NOX5: variants seen among roughly 807,000 people sequenced by gnomAD.
The protein encoded by NOX5 is NADPH oxidase 5, also known as NADPH oxidase, EF-hand calcium binding domain 5.
NOX5 carries 76 observed loss-of-function variants against 85.7 expected under a neutral mutation model. That is an observed-to-expected ratio of 0.89 (90% CI 0.74 to 1.07). The LOEUF (loss-of-function observed/expected upper bound fraction) is 1.07. Among genes scored for constraint, NOX5 ranks in the 50% least tolerant of loss-of-function variants. The probability of loss-of-function intolerance (pLI) is 0.00; values close to 1 mark genes in which losing one functional copy is unlikely to be tolerated. For synonymous variants in NOX5, 405 were observed against 401.4 expected, an observed-to-expected ratio of 1.01 and a Z score of -0.11; for missense variants, 973 against 999.5, an observed-to-expected ratio of 0.97 and a Z score of 0.36.
intron 13 of NOX5, 122 bp from the exon 14 acceptor site, chr15:69,048,837 A>G (rs2140278021): frequency 1.6e-6 from 1 of 618,002 alleles, no homozygotes; most frequent in East Asian, 2.9e-5. Context: ...CCTCCCTTAA[A>G]TGGGTATCTG....
Position 69,061,146 on chromosome 15 carries a change from G to C in NOX5, c.*4450G>C, listed in dbSNP as rs763070211. On this transcript the variant is annotated 3_prime_UTR_variant, in exon 16 of 16. Coordinates refer to ENST00000388866, the MANE Select transcript of NOX5 (RefSeq NM_024505.4). Reference sequence around the variant, plus strand: ...TATGGCTTGTATCTATTTTTTAAGAGTAAAACAAAATGCAGAGATTATCTG... The same window carrying C: ...TATGGCTTGTATCTATTTTTTAAGACTAAAACAAAATGCAGAGATTATCTG... The C allele has an allele frequency of 2.6e-5, 4 of 152,202 alleles. No individual in the cohort carries two copies. The highest frequency in any genetic ancestry group is 4.4e-5 in the Non-Finnish European group (3 of 68,036). 9.4% of individuals were successfully genotyped at this position (152,202 alleles called of 1,614,324 possible). A position where few individuals can be genotyped will look rare whatever the true frequency, so the allele number is the denominator to read the frequency against.
rs1356227585 is a variant in NOX5 at position 69,062,105 on chromosome 15, T to A, written c.*5409T>A. 1 of 152,146 alleles carries A rather than the reference T, an allele frequency of 6.6e-6. No homozygotes were observed. 9.4% of individuals were successfully genotyped at this position (152,146 alleles called of 1,614,324 possible). A position where few individuals can be genotyped will look rare whatever the true frequency, so the allele number is the denominator to read the frequency against. On this transcript the variant is annotated 3_prime_UTR_variant, in exon 16 of 16. Transcript: ENST00000388866. ...AGCTGGTGACCCCATGAGGTACCCT[T>A]GGCTCCTCTATCTCCCCCATCTTCC...
chr15:69,044,684 G>A (rs12908110), intron 10 of NOX5, among the ~76,000 whole-genome samples: 1,738 of 152,306 alleles, frequency 0.011, 16 homozygotes, highest in Non-Finnish European at 0.018. Context: ...TTATGTAAAA[G>A]TGTTGTGTAT....
In NOX5 at chr15:69,028,335, A is replaced by G; in HGVS notation, c.295A>G (p.Lys99Glu). 1.2e-6 allele frequency: 2 copies of G among 1,610,890 alleles called. No homozygotes were observed. Among genetic ancestry groups the G allele is most frequent in the African/African-American group, 2.7e-5 (2 of 74,922 alleles). The change falls in exon 3 of 16, where the codon AAA (lysine) becomes GAA (glutamate). Residue 99 changes from lysine (K) to glutamate (E), a missense_variant. Physicochemically the swap from Lys to Glu is moderately conservative, Grantham distance 56. Coordinates refer to ENST00000388866, the MANE Select transcript of NOX5 (RefSeq NM_024505.4). Reference sequence around the variant, plus strand: ...CCATGGCAGCCCCATGGACAAACTCAAATTCCTCTTCCAGGTGTATGACAT... The same window carrying G: ...CCATGGCAGCCCCATGGACAAACTCGAATTCCTCTTCCAGGTGTATGACAT... ...LIHGSPMDKL[K>E]FLFQVYDIDV...
chr15:69,058,856 A>G lies in NOX5; in HGVS notation c.*2160A>G, dbSNP rs2050844379. On this transcript the variant is annotated 3_prime_UTR_variant, in exon 16 of 16. Transcript: ENST00000388866. ...GCTCTCTGGGGCACAGAAGGAAACT[A>G]AAGAGGGTGTTCTGACTTAAGGTTG... The G allele has an allele frequency of 6.6e-6, 1 of 152,272 alleles. No homozygotes were observed. The highest frequency in any genetic ancestry group is 6.5e-5 in the Admixed American group (1 of 15,278). The allele number at this position is 152,272 out of a possible 1,614,324, so 9.4% of individuals were successfully genotyped here. A position where few individuals can be genotyped will look rare whatever the true frequency, so the allele number is the denominator to read the frequency against.
At chr15:69,027,572 C>T (rs2050374445) in intron 2 of NOX5, among the ~76,000 whole-genome samples, 1 of 152,162 alleles carries the variant, frequency 6.6e-6, no homozygotes, top group South Asian at 2.1e-4. Flanking sequence ...CAGGACACAG[C>T]ATCTTTGGGA....
chr15:69,040,095 C>G, intron 9 of NOX5, among the ~76,000 whole-genome samples: 1 of 152,316 alleles, frequency 6.6e-6, no homozygotes, highest in South Asian at 2.1e-4. Context: ...CAGCAGGACC[C>G]CTGGCCCAGA....
chr15:69,048,574 A>G (rs1427905292), intron 13 of NOX5, among the ~76,000 whole-genome samples: 1 of 151,856 alleles, frequency 6.6e-6, no homozygotes, highest in Non-Finnish European at 1.5e-5. Flanking sequence ...TTAAAATAAT[A>G]TAATCAAATA....
At chr15:69,055,091 TGGA>T (rs1464254675) in intron 14 of NOX5, among the ~76,000 whole-genome samples, 1 of 152,108 alleles carries the variant, frequency 6.6e-6, no homozygotes, top group African/African-American at 2.4e-5. Context: ...ATCTAACTCT[TGGA>T]GTGGTTGTGA....
At chr15:69,019,899 A>C (rs958310647) in intron 1 of NOX5, among the ~76,000 whole-genome samples, 3 of 152,214 alleles carry the variant, frequency 2.0e-5, no homozygotes, top group African/African-American at 7.2e-5. Context: ...GATTTTTGGC[A>C]TTCTGATACC....
chr15:69,056,498 G>C (rs900436403), intron 15 of NOX5, 67 bp from the exon 16 acceptor site: 3 of 1,582,958 alleles, frequency 1.9e-6, no homozygotes, highest in African/African-American at 1.4e-5. Context: ...CCAGGTGGTT[G>C]TGTCACTGGT....
chr15:69,048,273 C>T (rs2050701581), intron 13 of NOX5, among the ~76,000 whole-genome samples: 1 of 152,234 alleles, frequency 6.6e-6, no homozygotes, highest in Admixed American at 6.5e-5. Context: ...TGGCTCATGC[C>T]TGTAATCCTA....
intron 10 of NOX5, among the ~76,000 whole-genome samples, chr15:69,044,819 T>A (rs964084499): frequency 6.6e-6 from 1 of 152,236 alleles, no homozygotes; most frequent in African/African-American, 2.4e-5. Flanking sequence ...CATTATCGAT[T>A]TGTGATTTAA....
intron 1 of NOX5, among the ~76,000 whole-genome samples, chr15:69,026,064 G>C (rs1197461448): frequency 6.6e-6 from 1 of 152,188 alleles, no homozygotes; most frequent in African/African-American, 2.4e-5. Flanking sequence ...TTACCTAATT[G>C]CTCTGAGCCT....
intron 1 of NOX5, among the ~76,000 whole-genome samples, chr15:69,016,438 G>T (rs2050233226): frequency 6.6e-6 from 1 of 152,214 alleles, no homozygotes; most frequent in African/African-American, 2.4e-5. Context: ...GGCGAGGAGA[G>T]AGTGAGAACC....
At chr15:69,039,116 C>T in intron 9 of NOX5, 127 bp downstream of exon 9, 1 of 1,115,978 alleles carries the variant, frequency 9.0e-7, no homozygotes, top group African/African-American at 1.5e-5. Flanking sequence ...CCTCAAAAAG[C>T]TCTCTTTGAA....
intron 4 of NOX5, 75 bp downstream of exon 4, chr15:69,031,887 A>T: frequency 6.9e-7 from 1 of 1,452,686 alleles, no homozygotes; most frequent in South Asian, 1.4e-5. Flanking sequence ...GCAGGAACTC[A>T]CCGCGGATCC....
chr15:69,028,144 G>C, intron 2 of NOX5, 71 bp from the exon 3 acceptor site: 2 of 1,494,442 alleles, frequency 1.3e-6, no homozygotes, highest in South Asian at 2.7e-5. Context: ...GACACAGGGA[G>C]ACAGTGAACA....
At chr15:69,020,006 A>G (rs912438855) in intron 1 of NOX5, among the ~76,000 whole-genome samples, 1 of 152,252 alleles carries the variant, frequency 6.6e-6, no homozygotes, top group Non-Finnish European at 1.5e-5. Context: ...ATCAACCAAT[A>G]TAAGTTCTCT....
Sources: gnomAD v4.1 joint callset for allele counts (sites outside exome capture counted in the v4.1 genomes callset) on GRCh38, gnomAD v4.1.1 for gene constraint, MANE v1.5 for transcripts, NCBI Gene and HGNC (gene_info 2026-07-23, HGNC 2026-07-21) for gene names.